The following PCDHGB1 variants were observed in gnomAD, a reference collection of about 807,000 sequenced individuals.
PCDHGB1 encodes the protein protocadherin gamma-B1.
PCDHGB1 carries 34 observed loss-of-function variants against 56.6 expected under a neutral mutation model. That is an observed-to-expected ratio of 0.60 (90% CI 0.46 to 0.80). The LOEUF (loss-of-function observed/expected upper bound fraction) is 0.80. PCDHGB1 is among the 30% of genes least tolerant of loss of function. PCDHGB1 has a pLI of 0.00. For synonymous variants in PCDHGB1, 561 were observed against 505.9 expected (o/e 1.11, Z -1.46); for missense variants, 1,278 against 1,204.6 (o/e 1.06, Z -0.90).
At chr5:141,372,512 G>A (rs1343689121) in intron 1 of PCDHGB1, 1 of 1,614,024 alleles carries the variant, frequency 6.2e-7, no homozygotes, top group East Asian at 2.2e-5. Flanking sequence ...TCCTCCTCGC[G>A]GTGATTCTGG....
intron 1 of PCDHGB1, chr5:141,371,677 G>A (rs751155238): frequency 1.9e-6 from 3 of 1,613,896 alleles, no homozygotes; most frequent in Non-Finnish European, 2.5e-6. Context: ...ACCGACAAAG[G>A]CAATCCACCG....
At chr5:141,441,848 T>C (rs1034278597) in intron 1 of PCDHGB1, 2 of 356,906 alleles carry the variant, frequency 5.6e-6, no homozygotes, top group South Asian at 2.4e-5. Context: ...CTCTTGGATA[T>C]GGTGCTGCAC....
At chr5:141,435,884 C>G (rs1020738994) in intron 1 of PCDHGB1, among the ~76,000 whole-genome samples, 9 of 152,070 alleles carry the variant, frequency 5.9e-5, no homozygotes, top group African/African-American at 1.9e-4. Flanking sequence ...ATTGGAAACC[C>G]CTTAGAGAAT....
chr5:141,373,042 T>C (rs1415410484), intron 1 of PCDHGB1, among the ~76,000 whole-genome samples: 6 of 152,218 alleles, frequency 3.9e-5, no homozygotes, highest in African/African-American at 1.4e-4. Context: ...TTCTTAATCC[T>C]AATACACTAT....
In PCDHGB1 at chr5:141,374,604, G is replaced by A. The variant is rs538426396; in HGVS notation, c.2409+21935G>A. ...TCCCTTCAGGGATTTAAGCTCAGTG[G>A]TAATAGTCACTTCTCAGTGGACGTG... On this transcript the variant is annotated intron_variant, in intron 1 of 3. Coordinates refer to ENST00000523390, the MANE Select transcript of PCDHGB1 (RefSeq NM_018922.3). 4.6e-5 allele frequency: 75 copies of A among 1,613,652 alleles called. No individual in the cohort carries two copies. In the South Asian group the frequency reaches 6.8e-4, roughly 15 times the overall value.
In PCDHGB1 at chr5:141,432,262, A is replaced by G; in HGVS notation, c.2410-62545A>G. 1.9e-6 allele frequency: 3 copies of G among 1,614,222 alleles called. No homozygotes were observed. Among genetic ancestry groups the G allele is most frequent in the Non-Finnish European group, 2.5e-6 (3 of 1,180,036 alleles). On this transcript the variant is annotated intron_variant, in intron 1 of 3. Coordinates refer to ENST00000523390, the MANE Select transcript of PCDHGB1 (RefSeq NM_018922.3). This position sits in a 1 kb window ranked among gnomAD's most constrained non-coding sequence, Gnocchi z 6.0. ...AGAACACCATCCAAGGGGCAAGCCT[A>G]TCGTCCTACGTGTCCATCAACTCCG...
Position 141,431,359 on chromosome 5 carries a change from G to A in PCDHGB1, c.2410-63448G>A. 1 of 1,614,024 alleles carries A rather than the reference G, an allele frequency of 6.2e-7. No homozygotes were observed. The highest frequency in any genetic ancestry group is 8.5e-7 in the Non-Finnish European group (1 of 1,180,030). On this transcript the variant is annotated intron_variant, in intron 1 of 3. Transcript: ENST00000523390. This position sits in a 1 kb window ranked among gnomAD's most constrained non-coding sequence, Gnocchi z 4.8. ...CCGAATTGGTGCTGAAACGCGCCCTGGACCGCGAAGAAAAGGCTGCTCACC... is the reference window on the plus strand; with the variant it reads ...CCGAATTGGTGCTGAAACGCGCCCTAGACCGCGAAGAAAAGGCTGCTCACC...
chr5:141,360,621 TG>T (rs1307338533), intron 1 of PCDHGB1: 1 of 1,613,908 alleles, frequency 6.2e-7, no homozygotes, highest in Non-Finnish European at 8.5e-7. Flanking sequence ...ATTCAGATGT[TG>T]GTCCTAACTC....
intron 1 of PCDHGB1, among the ~76,000 whole-genome samples, chr5:141,480,874 G>A (rs1487409799): frequency 2.6e-5 from 4 of 151,950 alleles, no homozygotes; most frequent in African/African-American, 7.3e-5. Context: ...GTGAAACCCC[G>A]TCTCTACTAA....
At chr5:141,413,034 G>C in intron 1 of PCDHGB1, 1 of 783,270 alleles carries the variant, frequency 1.3e-6, no homozygotes, top group East Asian at 2.8e-5. Context: ...CAAACCGGCT[G>C]CTGGGCTGCA....
At chr5:141,395,550 G>T (rs1402921293) in intron 1 of PCDHGB1, 4 of 47,806 alleles carry the variant, frequency 8.4e-5, no homozygotes, top group South Asian at 8.8e-4. Flanking sequence ...GTTTGTGTGT[G>T]TGTGTGTGTG....
At position 141,351,030 on chromosome 5, in the gene PCDHGB1, CCGTGCTG is replaced by C. The variant is rs751694641; in HGVS notation, c.773_779del (p.Val258GlyfsTer2). 2.0e-5 allele frequency: 33 copies of C among 1,614,068 alleles called. No individual in the cohort carries two copies. In the Admixed American group the frequency reaches 3.7e-4, roughly 18 times the overall value. On this transcript the variant is annotated frameshift_variant, in exon 1 of 4. Transcript: ENST00000523390. LOFTEE classifies it high-confidence loss of function. Reference sequence around the variant, plus strand: ...CAAGAAAACGTACCGTGGGGAACCTCCGTGCTGCGGGTGATGGCCACAGACCAGGATG... The same window carrying C: ...CAAGAAAACGTACCGTGGGGAACCTCCGGGTGATGGCCACAGACCAGGATG...
chr5:141,437,800 C>G (rs963856257), intron 1 of PCDHGB1, among the ~76,000 whole-genome samples: 1 of 150,744 alleles, frequency 6.6e-6, no homozygotes, highest in African/African-American at 2.4e-5. Flanking sequence ...TGCAGTGGCA[C>G]TATCTTGGCT....
chr5:141,422,433 T>C, intron 1 of PCDHGB1: 2 of 1,609,628 alleles, frequency 1.2e-6, no homozygotes. Context: ...ATGGAAATTA[T>C]TACAAATTGA....
In PCDHGB1 at chr5:141,491,762, C is replaced by T. The variant is rs1162878124; in HGVS notation, c.2410-3045C>T. The T allele has an allele frequency of 6.4e-7, 1 of 1,572,596 alleles. No homozygotes were observed. The highest frequency in any genetic ancestry group is 1.4e-5 in the African/African-American group (1 of 73,308). ...GGCGGCACTGGAGAAGCCGCCCGTC[C>T]TCATAAGGGATTGAACTTGCATCCA... On this transcript the variant is annotated intron_variant, in intron 1 of 3. Transcript: ENST00000523390. The surrounding 1 kb of genome is among the most constrained non-coding windows in gnomAD (Gnocchi z 6.9).
intron 1 of PCDHGB1, chr5:141,414,088 A>T: frequency 6.3e-7 from 1 of 1,599,384 alleles, no homozygotes; most frequent in African/African-American, 1.3e-5. Context: ...TACTGGAGAA[A>T]TAAAAATATC....
chr5:141,414,348 G>A (rs1390188717), intron 1 of PCDHGB1: 1 of 1,613,818 alleles, frequency 6.2e-7, no homozygotes, highest in South Asian at 1.1e-5. Flanking sequence ...GTTCCATTTT[G>A]GCGTATCTAC....
intron 1 of PCDHGB1, chr5:141,419,781 G>T: frequency 6.2e-7 from 1 of 1,614,032 alleles, no homozygotes; most frequent in Non-Finnish European, 8.5e-7. Context: ...GTCCGCCAGC[G>T]CCTGCTAGTC....
intron 2 of PCDHGB1, among the ~76,000 whole-genome samples, chr5:141,504,968 C>A (rs1377016827): frequency 1.3e-5 from 2 of 152,206 alleles, no homozygotes; most frequent in East Asian, 3.9e-4. Context: ...ATTGGACCAG[C>A]CTGGCCAACA....
Sources: allele counts gnomAD v4.1 joint callset (sites outside exome capture counted in the v4.1 genomes callset), GRCh38; gene constraint gnomAD v4.1.1; non-coding constraint Gnocchi (gnomAD v3.1); transcripts MANE v1.5; gene names NCBI Gene and HGNC (gene_info 2026-07-23, HGNC 2026-07-21).